MEI4: variants seen among roughly 807,000 people sequenced by gnomAD.
The protein encoded by MEI4 is meiosis-specific protein MEI4.
MEI4 carries 27 observed loss-of-function variants against 31.4 expected under a neutral mutation model. That is an observed-to-expected ratio of 0.86 (90% confidence interval 0.63 to 1.19). The LOEUF (loss-of-function observed/expected upper bound fraction) is 1.19, where lower values mean the gene tolerates loss of function less well. Ranked by LOEUF, MEI4 falls within the 50% of genes most tolerant of loss-of-function variation. The pLI, the probability that MEI4 is intolerant of heterozygous loss-of-function variation, is 0.00. For synonymous variants in MEI4, 122 were observed against 145.4 expected (o/e 0.84, Z 1.16); for missense variants, 329 against 398.9 (o/e 0.82, Z 1.49).
rs1768045867 is a variant in MEI4, at chr6:77,761,532, C to T, written c.635C>T (p.Ala212Val). Residue 212 changes from alanine (A) to valine (V), a missense_variant, in exon 3 of 5, where the codon GCT (alanine) becomes GTT (valine). Physicochemically the swap from Ala to Val is moderately conservative, Grantham distance 64. Transcript: ENST00000684080. ...CCTTTTTCAAGATTTTGGACAGAAGCTGTTGGTACTTTAGCTAGTCTGATC... is the reference window on the plus strand; with the variant it reads ...CCTTTTTCAAGATTTTGGACAGAAGTTGTTGGTACTTTAGCTAGTCTGATC... The part of the protein sequence containing the change: ...KLPFSRFWTE[A>V]VGTLASLISD... 2 of 1,232,124 alleles carry T rather than the reference C, an allele frequency of 1.6e-6. No homozygotes were observed. Among genetic ancestry groups the T allele is most frequent in the South Asian group, 8.2e-5 (2 of 24,322 alleles). The allele number at this position is 1,232,124 out of a possible 1,614,324, so 76.3% of individuals were successfully genotyped here.
chr6:77,726,908 T>C (rs919470988), intron 2 of MEI4, among the ~76,000 whole-genome samples: 4 of 151,702 alleles, frequency 2.6e-5, no homozygotes, highest in African/African-American at 9.7e-5. Flanking sequence ...ATTTTGAAAT[T>C]GGTGCTTTAA....
chr6:77,710,090 G>A (rs1418598379), intron 2 of MEI4, among the ~76,000 whole-genome samples: 1 of 152,294 alleles, frequency 6.6e-6, no homozygotes, highest in Non-Finnish European at 1.5e-5. Flanking sequence ...TTAAAGAAGT[G>A]CCTTGCCCAT....
At chr6:77,819,333 AT>A (rs1288192134) in intron 3 of MEI4, among the ~76,000 whole-genome samples, 2 of 151,634 alleles carry the variant, frequency 1.3e-5, no homozygotes, top group Non-Finnish European at 2.9e-5. Flanking sequence ...TTTCTGAATG[AT>A]TTTTTTCACT....
chr6:77,870,471 A>G (rs1250926152), intron 4 of MEI4, among the ~76,000 whole-genome samples: 9 of 152,220 alleles, frequency 5.9e-5, no homozygotes, highest in Admixed American at 2.6e-4. Context: ...AGTTTAGATT[A>G]AGTGATGTAA....
chr6:77,791,473 T>C (rs565775759), intron 3 of MEI4, among the ~76,000 whole-genome samples: 78 of 138,564 alleles, frequency 5.6e-4, no homozygotes, highest in African/African-American at 1.0e-3. Context: ...TAGGTGGGAA[T>C]TGAACAATGA....
At position 77,828,976 on chromosome 6, in the gene MEI4, A is replaced by T; in HGVS notation, c.814A>T (p.Asn272Tyr). 8.1e-7 allele frequency: 1 copy of T among 1,232,310 alleles called. No homozygotes were observed. 76.3% of individuals were successfully genotyped at this position (1,232,310 alleles called of 1,614,324 possible). A position where few individuals can be genotyped will look rare whatever the true frequency, so the allele number is the denominator to read the frequency against. ...CTCTCAGAGTCTGGTTACCTTGGGAAATTGCAGCTTGTTGAGAAAATCTAT... is the reference window on the plus strand; with the variant it reads ...CTCTCAGAGTCTGGTTACCTTGGGATATTGCAGCTTGTTGAGAAAATCTAT... ...YVSQSLVTLG[N>Y]CSLLRKSIIS... is the part of the protein sequence containing the mutation. The change falls in exon 4 of 5, where the codon AAT becomes TAT. Residue 272 changes from asparagine (N) to tyrosine (Y), a missense_variant. By Grantham distance (143) the Asn-to-Tyr change is moderately radical (BLOSUM62 -2). Coordinates refer to ENST00000684080, the MANE Select transcript of MEI4 (RefSeq NM_001322247.2).
intron 3 of MEI4, among the ~76,000 whole-genome samples, chr6:77,810,206 G>A (rs550163227): frequency 6.6e-6 from 1 of 152,290 alleles, no homozygotes; most frequent in East Asian, 1.9e-4. Context: ...TTTAATGAGT[G>A]TTGAGGTATA....
intron 2 of MEI4, among the ~76,000 whole-genome samples, chr6:77,743,847 G>A (rs1247052228): frequency 1.3e-5 from 2 of 152,314 alleles, no homozygotes; most frequent in African/African-American, 2.4e-5. Context: ...CTGCTGATAC[G>A]CAGGCAAACA....
At chr6:77,864,176 C>G (rs1019165991) in intron 4 of MEI4, among the ~76,000 whole-genome samples, 1 of 152,138 alleles carries the variant, frequency 6.6e-6, no homozygotes, top group Non-Finnish European at 1.5e-5. Flanking sequence ...CATCAACTAA[C>G]AAGCAAAATA....
intron 2 of MEI4, among the ~76,000 whole-genome samples, chr6:77,750,235 G>A (rs989506074): frequency 6.6e-6 from 1 of 152,106 alleles, no homozygotes; most frequent in Non-Finnish European, 1.5e-5. Context: ...GAAACAGCTA[G>A]CATCATAGTG....
At chr6:77,853,113 G>C (rs1471088390) in intron 4 of MEI4, among the ~76,000 whole-genome samples, 1 of 152,050 alleles carries the variant, frequency 6.6e-6, no homozygotes, top group Non-Finnish European at 1.5e-5. Flanking sequence ...CAGGAGAATC[G>C]CTTCAACCCG....
At chr6:77,753,544 C>T (rs769572839) in intron 2 of MEI4, among the ~76,000 whole-genome samples, 12 of 152,162 alleles carry the variant, frequency 7.9e-5, no homozygotes, top group South Asian at 4.1e-4. Flanking sequence ...ATCAAAACCA[C>T]AATGAGATAT....
chr6:77,750,843 TACTCTAAAATTGA>T (rs1367206316), intron 2 of MEI4, among the ~76,000 whole-genome samples: 1 of 152,168 alleles, frequency 6.6e-6, no homozygotes, highest in Non-Finnish European at 1.5e-5. Context: ...ACATCATTCT[TACTCTAAAATTGA>T]CCACATAATT....
At chr6:77,708,585 G>A (rs970496505) in intron 2 of MEI4, among the ~76,000 whole-genome samples, 2 of 152,164 alleles carry the variant, frequency 1.3e-5, no homozygotes, top group Admixed American at 6.5e-5. Context: ...TTGGATATTT[G>A]TTCCCTTCAA....
chr6:77,889,585 A>C (rs1471006618), intron 4 of MEI4, among the ~76,000 whole-genome samples: 1 of 152,180 alleles, frequency 6.6e-6, no homozygotes, highest in Non-Finnish European at 1.5e-5. Context: ...AAAGTAAAAA[A>C]CACTTTCTAG....
intron 3 of MEI4, among the ~76,000 whole-genome samples, chr6:77,806,465 C>T (rs1769444404): frequency 6.6e-6 from 1 of 152,002 alleles, no homozygotes; most frequent in African/African-American, 2.4e-5. Flanking sequence ...ATTTATATAA[C>T]AGGTATTTCT....
chr6:77,841,314 C>CAT (rs1315994932), intron 4 of MEI4, among the ~76,000 whole-genome samples: 760 of 51,810 alleles, frequency 0.015, 30 homozygotes, highest in Non-Finnish European at 0.017. Flanking sequence ...CAAATGTGTG[C>CAT]ATATATATAT....
At chr6:77,775,860 T>G (rs13209446) in intron 3 of MEI4, among the ~76,000 whole-genome samples, 42,654 of 152,050 alleles carry the variant, frequency 0.28, 6,757 homozygotes, top group South Asian at 0.39. Flanking sequence ...CCAACATCTA[T>G]TATTTTTCTA....
intron 3 of MEI4, among the ~76,000 whole-genome samples, chr6:77,804,240 C>G (rs572477788): frequency 2.0e-5 from 3 of 152,002 alleles, no homozygotes; most frequent in South Asian, 4.1e-4. Flanking sequence ...TAGCAATGAG[C>G]AAGACTCTGA....
Sources: gnomAD v4.1 joint callset for allele counts (sites outside exome capture counted in the v4.1 genomes callset) on GRCh38, gnomAD v4.1.1 for gene constraint, MANE v1.5 for transcripts, NCBI Gene and HGNC (gene_info 2026-07-23, HGNC 2026-07-21) for gene names.